The following SVIL variants were observed in gnomAD, a reference collection of about 807,000 sequenced individuals.
SVIL encodes supervillin, also known as archvillin.
A neutral mutation model predicts 240.4 loss-of-function variants in SVIL; 101 were observed. That is an observed-to-expected ratio of 0.42 (90% CI 0.36 to 0.50). SVIL has a LOEUF of 0.50. SVIL is among the 20% of genes least tolerant of loss of function. The pLI is 0.01. For missense variants in SVIL, 2,512 were observed against 2,818.7 expected (o/e 0.89, Z 2.46); for synonymous variants, 999 against 1,100.0 (o/e 0.91, Z 1.82).
intron 3 of SVIL, among the ~76,000 whole-genome samples, chr10:29,562,276 C>A (rs1290094541): frequency 6.6e-6 from 1 of 152,224 alleles, no homozygotes; most frequent in Non-Finnish European, 1.5e-5. Context: ...ATGTTTACAT[C>A]ATTTCACTGG....
Position 29,533,020 on chromosome 10 carries a change from G to C in SVIL, c.1347C>G (p.Leu449=), listed in dbSNP as rs150826046. The change falls in exon 8 of 38, where the codon CTC becomes CTG. Residue 449 remains leucine, a synonymous_variant. Transcript: ENST00000355867. ...CCAGTAGGGTTTTCTTGCTTTGCTC[G>C]AGAGCTTCAGTGAAGCACACATCTT... is the stretch of plus-strand genomic sequence containing the variant. ...KEEDVCFTEA[L]EQSKKTLLAL... 2.5e-6 allele frequency: 4 copies of C among 1,614,004 alleles called. No individual in the cohort carries two copies. The highest frequency in any genetic ancestry group is 3.4e-6 in the Non-Finnish European group (4 of 1,180,006).
At chr10:29,464,353 C>T (rs528520568) in intron 34 of SVIL, among the ~76,000 whole-genome samples, 33 of 152,250 alleles carry the variant, frequency 2.2e-4, no homozygotes, top group African/African-American at 2.9e-4. Context: ...GAGAGAGGAT[C>T]GCTTGAGCCC....
chr10:29,617,170 C>G (rs1036640170), intron 1 of SVIL, among the ~76,000 whole-genome samples: 4 of 152,178 alleles, frequency 2.6e-5, no homozygotes, highest in Non-Finnish European at 2.9e-5. Flanking sequence ...AGCTCTTTTC[C>G]TTTATGAAGA....
intron 3 of SVIL, among the ~76,000 whole-genome samples, chr10:29,562,362 A>C (rs1564644010): frequency 6.6e-6 from 1 of 152,260 alleles, no homozygotes; most frequent in African/African-American, 2.4e-5. Context: ...GGAAATAGTA[A>C]TTCACCAAAC....
At chr10:29,591,770 C>A (rs536519010) in intron 1 of SVIL, among the ~76,000 whole-genome samples, 85 of 152,334 alleles carry the variant, frequency 5.6e-4, no homozygotes, top group African/African-American at 2.0e-3. Context: ...ATGTCATCGG[C>A]CTTGCTGCAT....
chr10:29,729,481 G>A (rs1442622737), intron 1 of SVIL, among the ~76,000 whole-genome samples: 1 of 149,694 alleles, frequency 6.7e-6, no homozygotes, highest in African/African-American at 2.5e-5. Flanking sequence ...GTGTGTGTGT[G>A]TGTGTGTGTG....
intron 1 of SVIL, among the ~76,000 whole-genome samples, chr10:29,575,608 C>G (rs1168412588): frequency 6.6e-6 from 1 of 152,222 alleles, no homozygotes; most frequent in African/African-American, 2.4e-5. Flanking sequence ...CTCTCTTTCT[C>G]TCACTGGATG....
intron 6 of SVIL, among the ~76,000 whole-genome samples, chr10:29,536,911 C>CAAAAAAAAAAAAAAAAAAAA (rs59133069): frequency 1.1e-5 from 1 of 89,874 alleles, no homozygotes; most frequent in Non-Finnish European, 2.0e-5. Flanking sequence ...GACTCTGTCA[C>CAAAAAAAAAAAAAAAAAAAA]AAAAAAAAAA....
chr10:29,512,903 ACT>A (rs1304296578), intron 16 of SVIL, 42 bp from the exon 17 acceptor site: 2 of 1,595,948 alleles, frequency 1.3e-6, no homozygotes, highest in Non-Finnish European at 1.7e-6. Context: ...TCAGCACCAA[ACT>A]CTTCCTTGTG....
chr10:29,463,437 CCTGAGGGGCTTCCCCAT>C, intron 35 of SVIL, 38 bp downstream of exon 35: 1 of 1,579,674 alleles, frequency 6.3e-7, no homozygotes, highest in Non-Finnish European at 8.6e-7. Flanking sequence ...GCTGCGCATG[CCTGAGGGGCTTCCCCAT>C]CTGTTCCGTG....
chr10:29,581,258 C>T (rs1239404339), intron 1 of SVIL, among the ~76,000 whole-genome samples: 1 of 152,142 alleles, frequency 6.6e-6, no homozygotes, highest in African/African-American at 2.4e-5. Context: ...ACTGCCTGAC[C>T]TGAGAAAATT....
rs372221999 is a variant in SVIL, at chr10:29,589,994, C to T, written c.-200-20682G>A. ...CAGCCTGGCCAAGATGGTGAAACCC[C>T]GTCTCTACTAAAAATGCAAAAAATT... On this transcript the variant is annotated intron_variant, in intron 1 of 37. Transcript: ENST00000355867. Among the ~76,000 whole-genome samples the T allele has an allele frequency of 4.0e-5, 6 of 151,454 alleles. No individual in the cohort carries two copies. The South Asian group carries it at 6.3e-4, about 16-fold the overall frequency.
In SVIL at chr10:29,598,093, C is replaced by T. The variant is rs182439838; in HGVS notation, c.-200-28781G>A. ...CTTTCAAAGGAAGGAAATTCTGACACCTGCTACAACGTAGATCATGCTAAG... is the reference window on the plus strand; with the variant it reads ...CTTTCAAAGGAAGGAAATTCTGACATCTGCTACAACGTAGATCATGCTAAG... On this transcript the variant is annotated intron_variant, in intron 1 of 37. Transcript: ENST00000355867. 4.6e-5 allele frequency among the ~76,000 whole-genome samples: 7 copies of T among 152,166 alleles called. 1 individual carries two copies. In the South Asian group the frequency reaches 8.3e-4, roughly 18 times the overall value.
chr10:29,542,003 T>C (rs1952202218), intron 6 of SVIL, among the ~76,000 whole-genome samples: 2 of 152,214 alleles, frequency 1.3e-5, no homozygotes, highest in Admixed American at 6.5e-5. Flanking sequence ...TTGGTGTCCC[T>C]CTGCATGATT....
chr10:29,632,403 A>C (rs1473190712), intron 1 of SVIL, among the ~76,000 whole-genome samples: 2 of 151,906 alleles, frequency 1.3e-5, no homozygotes, highest in Non-Finnish European at 2.9e-5. Flanking sequence ...AGGCAGGAGA[A>C]TCACTTCAGC....
chr10:29,574,893 C>T (rs770201687), intron 1 of SVIL, among the ~76,000 whole-genome samples: 4 of 152,198 alleles, frequency 2.6e-5, no homozygotes, highest in Non-Finnish European at 5.9e-5. Context: ...AGACCTTGCT[C>T]GAAACCAGGG....
intron 1 of SVIL, among the ~76,000 whole-genome samples, chr10:29,579,845 C>T (rs1275198491): frequency 3.3e-5 from 5 of 152,000 alleles, no homozygotes; most frequent in Non-Finnish European, 5.9e-5. Context: ...CCACCAGGGC[C>T]GAACAGGATG....
At chr10:29,527,144 C>A in intron 12 of SVIL, 88 bp from the exon 13 acceptor site, 1 of 1,203,224 alleles carries the variant, frequency 8.3e-7, no homozygotes, top group Middle Eastern at 1.9e-4. Context: ...AATTCAGAAA[C>A]GTTAAATCAA....
At position 29,612,804 on chromosome 10, in the gene SVIL, T is replaced by A. The variant is rs148833918; in HGVS notation, c.-201+21616A>T. ...AAACGTCCAATCTGTACAGGACAAT[T>A]AGGACAATGTTCACAAAGCCCCATG... On this transcript the variant is annotated intron_variant, in intron 1 of 37. Coordinates refer to ENST00000355867, the MANE Select transcript of SVIL (RefSeq NM_021738.3). Among the ~76,000 whole-genome samples the A allele has an allele frequency of 1.9e-3, 283 of 152,276 alleles. 1 individual carries two copies. The highest frequency in any genetic ancestry group is 6.5e-3 in the African/African-American group (271 of 41,562).
Sources: gnomAD v4.1 joint callset for allele counts (sites outside exome capture counted in the v4.1 genomes callset) on GRCh38, gnomAD v4.1.1 for gene constraint, MANE v1.5 for transcripts, NCBI Gene and HGNC (gene_info 2026-07-23, HGNC 2026-07-21) for gene names.